The following PTPRD variants were observed in gnomAD, a reference collection of about 807,000 sequenced individuals.
PTPRD encodes the protein receptor-type tyrosine-protein phosphatase delta.
PTPRD carries 34 observed loss-of-function variants against 214.5 expected under a neutral mutation model. The observed-to-expected ratio is 0.16, with a 90% CI of 0.12 to 0.21. The LOEUF (loss-of-function observed/expected upper bound fraction) is 0.21, where lower values mean the gene tolerates loss of function less well. Ranked by LOEUF, PTPRD falls within the 10% of genes least tolerant of loss-of-function variation. The pLI, the probability that PTPRD is intolerant of heterozygous loss-of-function variation, is 1.00. For synonymous variants in PTPRD, 1,128 were observed against 845.7 expected (o/e 1.33, Z -5.79); for missense variants, 2,545 against 2,398.7 (o/e 1.06, Z -1.27).
At chr9:9,024,818 A>G (rs776135053) in intron 10 of PTPRD, among the ~76,000 whole-genome samples, 16 of 151,944 alleles carry the variant, frequency 1.1e-4, no homozygotes, top group Non-Finnish European at 1.8e-4. Flanking sequence ...TTGATTATAA[A>G]CATAAAGATT....
chr9:8,613,839 T>A (rs567340614), intron 14 of PTPRD, among the ~76,000 whole-genome samples: 1 of 152,292 alleles, frequency 6.6e-6, no homozygotes, highest in Non-Finnish European at 1.5e-5. Flanking sequence ...GAGAATTACA[T>A]TTTCACATTC....
intron 5 of PTPRD, among the ~76,000 whole-genome samples, chr9:9,784,858 T>TTA (rs887774423): frequency 1.3e-5 from 2 of 149,510 alleles, no homozygotes; most frequent in South Asian, 2.1e-4. Context: ...GTATTATATA[T>TTA]TATATATATA....
chr9:9,061,063 G>T (rs533179117), intron 10 of PTPRD, among the ~76,000 whole-genome samples: 35 of 152,292 alleles, frequency 2.3e-4, no homozygotes, highest in Non-Finnish European at 4.0e-4. Flanking sequence ...GAAGTTTGGT[G>T]TTAGCCTTTA....
At chr9:8,616,880 A>C (rs918593905) in intron 14 of PTPRD, among the ~76,000 whole-genome samples, 1 of 152,144 alleles carries the variant, frequency 6.6e-6, no homozygotes, top group African/African-American at 2.4e-5. Context: ...CCTCCATGAG[A>C]GGCTAAGCTG....
chr9:10,547,591 A>T (rs922780008), intron 2 of PTPRD, among the ~76,000 whole-genome samples: 2 of 152,042 alleles, frequency 1.3e-5, no homozygotes, highest in South Asian at 2.1e-4. Context: ...TGAATAATAT[A>T]TTTATAGTAT....
chr9:9,529,836 T>TAC (rs1182717252), intron 8 of PTPRD, among the ~76,000 whole-genome samples: 1 of 151,474 alleles, frequency 6.6e-6, no homozygotes, highest in Non-Finnish European at 1.5e-5. Flanking sequence ...TAAATATATT[T>TAC]ACACACACTA....
chr9:10,078,107 G>C (rs184987640), intron 3 of PTPRD, among the ~76,000 whole-genome samples: 3,932 of 151,690 alleles, frequency 0.026, 78 homozygotes, highest in Middle Eastern at 0.082. Flanking sequence ...AAATAACTTA[G>C]TAACTCCAAA....
chr9:9,741,710 G>T (rs1291234276), intron 6 of PTPRD, among the ~76,000 whole-genome samples: 1 of 152,098 alleles, frequency 6.6e-6, no homozygotes, highest in East Asian at 1.9e-4. Flanking sequence ...GCAGTGTTTG[G>T]TTTTCTTTTC....
chr9:9,983,033 T>C lies in PTPRD; in HGVS notation c.-471-44423A>G, dbSNP rs1236723248. 4.0e-5 allele frequency among the ~76,000 whole-genome samples: 6 copies of C among 149,074 alleles called. No individual in the cohort carries two copies. In the East Asian group the frequency reaches 1.2e-3, roughly 30 times the overall value. On this transcript the variant is annotated intron_variant, in intron 4 of 45. Transcript: ENST00000381196. ...ATATTTTAATAGATTCCCTTTAGTGTAAATCAAATACTTAAATATGTTATA... is the reference window on the plus strand; with the variant it reads ...ATATTTTAATAGATTCCCTTTAGTGCAAATCAAATACTTAAATATGTTATA...
In PTPRD at chr9:8,760,598, C is replaced by CTGTGTG. The variant is rs34488235; in HGVS notation, c.-103-26658_-103-26653dup. On this transcript the variant is annotated intron_variant, in intron 11 of 45. Transcript: ENST00000381196. Reference sequence around the variant, plus strand: ...TCTCTCCCTTGCTCCCTCTCTCTGTCTGTGTGTGTGTGTGTGTGTGTGTGT... The same window carrying CTGTGTG: ...TCTCTCCCTTGCTCCCTCTCTCTGTCTGTGTGTGTGTGTGTGTGTGTGTGTGTGTGT... Among the ~76,000 whole-genome samples, 765 of 145,088 alleles carry CTGTGTG rather than the reference C, an allele frequency of 5.3e-3. 2 individuals carry two copies. The highest frequency in any genetic ancestry group is 0.016 in the African/African-American group (622 of 39,848).
chr9:8,932,771 G>A (rs960269702), intron 11 of PTPRD, among the ~76,000 whole-genome samples: 1 of 152,188 alleles, frequency 6.6e-6, no homozygotes, highest in Non-Finnish European at 1.5e-5. Context: ...TGCTGGCAGA[G>A]AGAATTTCAA....
intron 3 of PTPRD, among the ~76,000 whole-genome samples, chr9:10,043,939 C>T (rs291268): frequency 0.37 from 55,940 of 151,576 alleles, 10,804 homozygotes; most frequent in African/African-American, 0.49. Flanking sequence ...CTCTTCTATT[C>T]TGATTACTGG....
At chr9:8,846,850 C>G (rs1377765272) in intron 11 of PTPRD, among the ~76,000 whole-genome samples, 2 of 152,136 alleles carry the variant, frequency 1.3e-5, no homozygotes, top group East Asian at 3.9e-4. Context: ...ATGCTTTTTA[C>G]AGACAGAAAC....
At chr9:9,970,013 G>C (rs2094977576) in intron 4 of PTPRD, among the ~76,000 whole-genome samples, 1 of 152,092 alleles carries the variant, frequency 6.6e-6, no homozygotes. Context: ...GTAGACATTA[G>C]AGAAAAATGG....
chr9:8,912,672 AC>A (rs2098756303), intron 11 of PTPRD, among the ~76,000 whole-genome samples: 1 of 152,202 alleles, frequency 6.6e-6, no homozygotes, highest in African/African-American at 2.4e-5. Context: ...AAAAGGTTTT[AC>A]TAAAAATAAA....
At chr9:8,339,102 A>G (rs998500902) in intron 42 of PTPRD, 55 bp from the exon 43 acceptor site, 14 of 1,511,634 alleles carry the variant, frequency 9.3e-6, no homozygotes, top group Non-Finnish European at 1.2e-5. Flanking sequence ...AACATTCTGT[A>G]TATTATCTAT....
intron 12 of PTPRD, among the ~76,000 whole-genome samples, chr9:8,691,463 G>C (rs560286265): frequency 4.0e-5 from 6 of 148,350 alleles, no homozygotes; most frequent in Non-Finnish European, 8.9e-5. Flanking sequence ...AAGGGATAAA[G>C]AGAGTAGCAG....
rs922553974 is a variant in PTPRD at position 10,390,635 on chromosome 9, G to A, written c.-599-49618C>T. Among the ~76,000 whole-genome samples, 25 of 151,594 alleles carry A rather than the reference G, an allele frequency of 1.6e-4. 1 individual carries two copies. Among genetic ancestry groups the A allele is most frequent in the African/African-American group, 6.0e-4 (25 of 41,336 alleles). ...ATAATGAAATCATTTTCACTTTTTG[G>A]CCATGACCTCTCAGATCAGAACATA... On this transcript the variant is annotated intron_variant, in intron 2 of 45. Transcript: ENST00000381196.
intron 5 of PTPRD, among the ~76,000 whole-genome samples, chr9:9,856,997 T>G (rs1186703594): frequency 1.3e-5 from 2 of 152,236 alleles, no homozygotes; most frequent in African/African-American, 4.8e-5. Flanking sequence ...TTTCCTCTTT[T>G]TGACCTCTCA....
Sources: gnomAD v4.1 joint callset for allele counts (sites outside exome capture counted in the v4.1 genomes callset) on GRCh38, gnomAD v4.1.1 for gene constraint, MANE v1.5 for transcripts, NCBI Gene and HGNC (gene_info 2026-07-23, HGNC 2026-07-21) for gene names.